Variants in NKAIN3 observed in about 807,000 individuals in gnomAD.
The protein encoded by NKAIN3 is sodium/potassium transporting ATPase interacting 3.
A neutral mutation model predicts 30.2 loss-of-function variants in NKAIN3; 25 were observed. That is an observed-to-expected ratio of 0.83 (90% CI 0.60 to 1.16). NKAIN3 has a LOEUF of 1.16. NKAIN3 is among the 50% of genes most tolerant of loss of function. The pLI is 0.00. For missense variants in NKAIN3, 225 were observed against 254.1 expected, an observed-to-expected ratio of 0.89 and a Z score of 0.78; for synonymous variants, 91 against 89.6, an observed-to-expected ratio of 1.02 and a Z score of -0.09.
At chr8:62,532,318 A>G (rs1808512397) in intron 1 of NKAIN3, among the ~76,000 whole-genome samples, 1 of 152,120 alleles carries the variant, frequency 6.6e-6, no homozygotes, top group Admixed American at 6.5e-5. Context: ...TGCCAGGGCT[A>G]TAATCTGCTT....
intron 1 of NKAIN3, among the ~76,000 whole-genome samples, chr8:62,552,160 A>T (rs1809238138): frequency 6.6e-6 from 1 of 152,186 alleles, no homozygotes; most frequent in Non-Finnish European, 1.5e-5. Flanking sequence ...TTTACATATC[A>T]TGATCAGTTG....
At position 62,965,955 on chromosome 8, in the gene NKAIN3, C is replaced by T; in HGVS notation, c.*548C>T. 3.0e-6 allele frequency: 3 copies of T among 984,680 alleles called. No individual in the cohort carries two copies. Among genetic ancestry groups the T allele is most frequent in the Non-Finnish European group, 3.6e-6 (3 of 829,284 alleles). The allele number at this position is 984,680 out of a possible 1,614,324, so 61.0% of individuals were successfully genotyped here. The stretch of plus-strand genomic sequence containing the variant: ...AGCATAAAACAAAACATGGAGTCCT[C>T]CTTTGTTCCTGACTTCTTAAAACCC... On this transcript the variant is annotated 3_prime_UTR_variant, in exon 7 of 7. Coordinates refer to ENST00000623646, the MANE Select transcript of NKAIN3 (RefSeq NM_001304533.3).
At position 62,406,269 on chromosome 8, in the gene NKAIN3, T is replaced by A. The variant is rs141695417; in HGVS notation, c.54+157142T>A. On this transcript the variant is annotated intron_variant, in intron 1 of 6. Coordinates refer to ENST00000623646, the MANE Select transcript of NKAIN3 (RefSeq NM_001304533.3). ...ATAATTTCATTGCTTATGCTTTCAA[T>A]GTCTTAAAATGGAGAAGACCTCACC... 3.2e-3 allele frequency among the ~76,000 whole-genome samples: 486 copies of A among 152,302 alleles called. 3 individuals are homozygous for A. Among genetic ancestry groups the A allele is most frequent in the African/African-American group, 0.011 (466 of 41,572 alleles).
intron 4 of NKAIN3, among the ~76,000 whole-genome samples, chr8:62,868,743 G>A (rs1242736857): frequency 6.6e-6 from 1 of 152,248 alleles, no homozygotes; most frequent in Admixed American, 6.5e-5. Context: ...ACCCTGATAA[G>A]CTCAGTTTCT....
At chr8:62,950,918 G>A (rs1055674691) in intron 5 of NKAIN3, among the ~76,000 whole-genome samples, 4 of 148,490 alleles carry the variant, frequency 2.7e-5, no homozygotes, top group East Asian at 2.0e-4. Flanking sequence ...CAAGGTATGC[G>A]AGATGCATGA....
At chr8:62,410,087 A>AC (rs559101239) in intron 1 of NKAIN3, among the ~76,000 whole-genome samples, 4 of 150,856 alleles carry the variant, frequency 2.7e-5, no homozygotes, top group African/African-American at 9.7e-5. Context: ...TAATTTTGGG[A>AC]CCCCCTCCTC....
intron 4 of NKAIN3, among the ~76,000 whole-genome samples, chr8:62,762,293 G>T (rs1169300072): frequency 6.7e-6 from 1 of 148,532 alleles, no homozygotes; most frequent in African/African-American, 2.5e-5. Context: ...TCCAGCCTGG[G>T]CAACAAGAGC....
At chr8:62,486,687 G>A (rs931487799) in intron 1 of NKAIN3, among the ~76,000 whole-genome samples, 1 of 152,166 alleles carries the variant, frequency 6.6e-6, no homozygotes, top group Non-Finnish European at 1.5e-5. Context: ...ACACACCCTG[G>A]ATTGGAAAAG....
chr8:62,822,517 C>T (rs1000425659), intron 4 of NKAIN3, among the ~76,000 whole-genome samples: 4 of 152,098 alleles, frequency 2.6e-5, no homozygotes, highest in Non-Finnish European at 4.4e-5. Flanking sequence ...ATTAACTAAT[C>T]TAGGAGGATC....
At chr8:62,820,968 G>A (rs1483678875) in intron 4 of NKAIN3, among the ~76,000 whole-genome samples, 1 of 151,846 alleles carries the variant, frequency 6.6e-6, no homozygotes, top group Non-Finnish European at 1.5e-5. Flanking sequence ...ACTTATCATG[G>A]GCATAATTAA....
chr8:62,878,403 A>T (rs1820865092), intron 4 of NKAIN3, among the ~76,000 whole-genome samples: 2 of 152,152 alleles, frequency 1.3e-5, no homozygotes, highest in African/African-American at 4.8e-5. Context: ...GCTGGAGGCC[A>T]CTGGCAAACA....
intron 1 of NKAIN3, among the ~76,000 whole-genome samples, chr8:62,468,016 A>G (rs1585841566): frequency 1.3e-5 from 2 of 151,882 alleles, no homozygotes; most frequent in Admixed American, 6.6e-5. Context: ...CCAGTGATCC[A>G]CCCGCCTCAG....
intron 1 of NKAIN3, among the ~76,000 whole-genome samples, chr8:62,472,767 A>G (rs904616535): frequency 6.6e-6 from 1 of 152,236 alleles, no homozygotes; most frequent in African/African-American, 2.4e-5. Context: ...CAAATTGGTC[A>G]AGATGCGGCA....
At chr8:62,793,139 G>A (rs917610165) in intron 4 of NKAIN3, among the ~76,000 whole-genome samples, 2 of 151,616 alleles carry the variant, frequency 1.3e-5, no homozygotes, top group Non-Finnish European at 2.9e-5. Context: ...TGACACATCC[G>A]CTTGTGAGAA....
chr8:62,551,808 T>G (rs1809223912), intron 1 of NKAIN3, among the ~76,000 whole-genome samples: 2 of 152,220 alleles, frequency 1.3e-5, no homozygotes, highest in Non-Finnish European at 2.9e-5. Context: ...AGACAAACCT[T>G]CATATCAGAG....
intron 4 of NKAIN3, among the ~76,000 whole-genome samples, chr8:62,907,492 G>A (rs1451535110): frequency 6.6e-6 from 1 of 152,154 alleles, no homozygotes; most frequent in Non-Finnish European, 1.5e-5. Flanking sequence ...TATCTCCAGG[G>A]CATTTCAGAG....
In NKAIN3 at chr8:62,693,936, C is replaced by T. The variant is rs1013309626; in HGVS notation, c.274-52996C>T. ...CAAAAAAGAAAAAAGTTGCATTAATCATAAAAGATTGAATTCATATTTTTA... is the reference window on the plus strand; with the variant it reads ...CAAAAAAGAAAAAAGTTGCATTAATTATAAAAGATTGAATTCATATTTTTA... On this transcript the variant is annotated intron_variant, in intron 3 of 6. Coordinates refer to ENST00000623646, the MANE Select transcript of NKAIN3 (RefSeq NM_001304533.3). 3.3e-5 allele frequency among the ~76,000 whole-genome samples: 5 copies of T among 152,162 alleles called. No homozygotes were observed. The East Asian group carries it at 5.8e-4, about 18-fold the overall frequency.
intron 3 of NKAIN3, among the ~76,000 whole-genome samples, chr8:62,703,372 T>C (rs891292356): frequency 2.0e-5 from 3 of 152,190 alleles, no homozygotes; most frequent in Admixed American, 6.5e-5. Flanking sequence ...TTTAGCAAGA[T>C]AATTATTAAA....
intron 3 of NKAIN3, among the ~76,000 whole-genome samples, chr8:62,693,136 A>G (rs1296835137): frequency 6.6e-6 from 1 of 152,186 alleles, no homozygotes; most frequent in Non-Finnish European, 1.5e-5. Flanking sequence ...TCTATTTATG[A>G]GCTGTGGCTG....
Sources: allele counts gnomAD v4.1 joint callset (sites outside exome capture counted in the v4.1 genomes callset), GRCh38; gene constraint gnomAD v4.1.1; transcripts MANE v1.5; gene names NCBI Gene and HGNC (gene_info 2026-07-23, HGNC 2026-07-21).